Variants in ATG2A observed in about 807,000 individuals in gnomAD.
The protein encoded by ATG2A is autophagy-related protein 2 homolog A.
In ATG2A, 103 loss-of-function variants were observed where a neutral mutation model predicts 214.2. The observed-to-expected ratio is 0.48, with a 90% CI of 0.41 to 0.57. ATG2A has a LOEUF of 0.57. Among genes scored for constraint, ATG2A ranks in the 20% least tolerant of loss-of-function variants. The pLI, the probability that ATG2A is intolerant of heterozygous loss-of-function variation, is 0.00. For missense variants in ATG2A, 2,312 were observed against 2,613.2 expected (o/e 0.88, Z 2.51); for synonymous variants, 1,160 against 1,142.1 (o/e 1.02, Z -0.32).
In ATG2A at chr11:64,906,675, G is replaced by A. The variant is rs1301401693; in HGVS notation, c.2973C>T (p.Leu991=). 1.9e-6 allele frequency: 3 copies of A among 1,613,638 alleles called. No homozygotes were observed. Among genetic ancestry groups the A allele is most frequent in the Admixed American group, 1.7e-5 (1 of 60,034 alleles). Residue 991 remains leucine, a synonymous_variant, in exon 20 of 41, where the codon CTC becomes CTT. Coordinates refer to ENST00000377264, the MANE Select transcript of ATG2A (RefSeq NM_015104.3). The part of the protein sequence containing the change: ...YFCLEAEKAT[L]YHRAAVDDYP... ...CCCCAGGCCTCACACCTCGGTGGTA[G>A]AGTGTTGCCTTTTCAGCTTCCAGAC...
At chr11:64,900,380 C>T in intron 31 of ATG2A, 114 bp downstream of exon 31, 1 of 1,521,310 alleles carries the variant, frequency 6.6e-7, no homozygotes, top group Non-Finnish European at 8.9e-7. Flanking sequence ...TGGCTTCCTC[C>T]ACTACAAAGG....
At position 64,911,284 on chromosome 11, in the gene ATG2A, A is replaced by T. The variant is rs760707209; in HGVS notation, c.1229-9T>A. 16 of 1,612,402 alleles carry T rather than the reference A, an allele frequency of 9.9e-6. No individual in the cohort carries two copies. Among genetic ancestry groups the T allele is most frequent in the Middle Eastern group, 1.6e-4 (1 of 6,084 alleles). ...GTTGGGGGCCATCTTGCCTGAGGGG[A>T]CAGAGGCTTCAGCAGGGGCTCCCAA... On this transcript the variant is annotated splice_polypyrimidine_tract_variant and intron_variant, in intron 9 of 40. Coordinates refer to ENST00000377264, the MANE Select transcript of ATG2A (RefSeq NM_015104.3).
chr11:64,908,032 C>T (rs986081166), intron 16 of ATG2A, 142 bp from the exon 17 acceptor site: 81 of 1,010,434 alleles, frequency 8.0e-5, no homozygotes, highest in Non-Finnish European at 1.1e-4. Context: ...TGCATGATAG[C>T]CGTACAGATA....
At chr11:64,896,029 G>T (rs1944136961) in intron 39 of ATG2A, among the ~76,000 whole-genome samples, 2 of 152,180 alleles carry the variant, frequency 1.3e-5, no homozygotes, top group Non-Finnish European at 2.9e-5. Flanking sequence ...TAGGACCATC[G>T]ATCCCCTACA....
chr11:64,909,984 C>CGAA (rs1485349774), intron 13 of ATG2A, 56 bp downstream of exon 13: 9 of 1,566,350 alleles, frequency 5.7e-6, no homozygotes, highest in Non-Finnish European at 6.9e-6. Flanking sequence ...GACCAAGAGC[C>CGAA]GAAGGACCCA....
rs1159271619 is a variant in ATG2A at position 64,903,441 on chromosome 11, G to A, written c.3536-77C>T. On this transcript the variant is annotated intron_variant, in intron 25 of 40. Transcript: ENST00000377264. This position sits in a 1 kb window ranked among gnomAD's most constrained non-coding sequence, Gnocchi z 4.2. ...GCCCCAGCACCTGGGGGAAGGATCC[G>A]GTTGATCCAGGTGTAGTCCCTGCTG... 6.4e-6 allele frequency: 10 copies of A among 1,557,014 alleles called. No individual in the cohort carries two copies. Among genetic ancestry groups the A allele is most frequent in the South Asian group, 3.4e-5 (3 of 88,060 alleles).
At chr11:64,904,844 C>CTATCTATT (rs1565751740) in intron 24 of ATG2A, among the ~76,000 whole-genome samples, 1 of 151,168 alleles carries the variant, frequency 6.6e-6, no homozygotes, top group Non-Finnish European at 1.5e-5. Context: ...ATCTATCTAT[C>CTATCTATT]TATCTATCTA....
At position 64,905,657 on chromosome 11, in the gene ATG2A, T is replaced by TG. The variant is rs1344858577; in HGVS notation, c.3372-3dup. The TG allele has an allele frequency of 2.5e-6, 4 of 1,613,852 alleles. No homozygotes were observed. The South Asian group carries it at 4.4e-5, about 18-fold the overall frequency. ...ACACGCACTGGGAGGTAGAGTGGCC[T>TG]GGGGGTGATACTCGGGCTGGGGCCG... is the stretch of plus-strand genomic sequence containing the variant. On this transcript the variant is annotated splice_region_variant and splice_polypyrimidine_tract_variant and intron_variant, in intron 23 of 40. Coordinates refer to ENST00000377264, the MANE Select transcript of ATG2A (RefSeq NM_015104.3).
At position 64,910,061 on chromosome 11, in the gene ATG2A, A is replaced by G; in HGVS notation, c.1842T>C (p.Ala614=). 3 of 1,597,248 alleles carry G rather than the reference A, an allele frequency of 1.9e-6. No individual in the cohort carries two copies. The highest frequency in any genetic ancestry group is 2.6e-6 in the Non-Finnish European group (3 of 1,173,428). Residue 614 remains alanine (A), a synonymous_variant, in exon 13 of 41, where the codon GCT becomes GCC. Coordinates refer to ENST00000377264, the MANE Select transcript of ATG2A (RefSeq NM_015104.3). The part of the protein sequence containing the change: ...AALLRLATVP[A]EPPAGLLTEP... ...TCACCAGCAGGCCGGCTGGAGGCTC[A>G]GCAGGTACGGTGGCCAGGCGCAGTA... is the stretch of plus-strand genomic sequence containing the variant.
Position 64,912,230 on chromosome 11 carries a change from G to A in ATG2A, c.942C>T (p.Asp314=). ...VSLTDHEGLA[D]KLNKSRPLGA... ...CTAGCGGGCGGCTCTTGTTCAGCTT[G>A]TCAGCCAGGCCCTCGTGGTCTGCAG... The change falls in exon 8 of 41, where the codon GAC becomes GAT. Residue 314 remains aspartate, a synonymous_variant. Coordinates refer to ENST00000377264, the MANE Select transcript of ATG2A (RefSeq NM_015104.3). The A allele has an allele frequency of 1.2e-6, 2 of 1,613,342 alleles. No homozygotes were observed. The highest frequency in any genetic ancestry group is 2.2e-5 in the South Asian group (2 of 91,068).
chr11:64,909,251 A>G lies in ATG2A; in HGVS notation c.2204+20T>C. The G allele has an allele frequency of 6.2e-7, 1 of 1,612,966 alleles. No homozygotes were observed. ...AGCAGAACCCTCCTCTCCTGGGCCCAGTCCAGAGCCCCTACTTACTGGGGC... is the reference window on the plus strand; with the variant it reads ...AGCAGAACCCTCCTCTCCTGGGCCCGGTCCAGAGCCCCTACTTACTGGGGC... On this transcript the variant is annotated intron_variant, in intron 15 of 40. Transcript: ENST00000377264.
chr11:64,904,816 T>TTATC (rs1555184661), intron 24 of ATG2A, among the ~76,000 whole-genome samples: 91 of 145,266 alleles, frequency 6.3e-4, no homozygotes, highest in African/African-American at 2.2e-3. Flanking sequence ...TCTATATTTT[T>TTATC]TATCTATCTA....
Position 64,917,036 on chromosome 11 carries a change from T to C in ATG2A, c.100A>G (p.Ser34Gly). The C allele has an allele frequency of 6.2e-7, 1 of 1,613,852 alleles. No individual in the cohort carries two copies. The change falls in exon 1 of 41, where the codon AGC becomes GGC. Residue 34 changes from serine (S) to glycine (G), a missense_variant. By Grantham distance (56) the Ser-to-Gly change is moderately conservative (BLOSUM62 0). Coordinates refer to ENST00000377264, the MANE Select transcript of ATG2A (RefSeq NM_015104.3). ...YLGHFFQEHL[S>G]LDQLSLDLYK... The stretch of plus-strand genomic sequence containing the variant: ...AGATCGAGGCTGAGCTGGTCCAGGC[T>C]GAGGTGCTCTTGGAAGAAGTGACCT...
At position 64,898,094 on chromosome 11, in the gene ATG2A, G is replaced by A; in HGVS notation, c.4850C>T (p.Ser1617Phe). 6.2e-7 allele frequency: 1 copy of A among 1,613,986 alleles called. No individual in the cohort carries two copies. Among genetic ancestry groups the A allele is most frequent in the Non-Finnish European group, 8.5e-7 (1 of 1,179,970 alleles). Residue 1617 changes from serine (S) to phenylalanine (F), a missense_variant, in exon 34 of 41, where the codon TCC (serine) becomes TTC (phenylalanine). Coordinates refer to ENST00000377264, the MANE Select transcript of ATG2A (RefSeq NM_015104.3). The surrounding 1 kb of genome is among the most constrained non-coding windows in gnomAD (Gnocchi z 4.5). ...CTGGCCCAGCCTCTCACCCTCAGCG[G>A]AGGTCTCCCCTGGGACCACGGGGTT... ...GINPVVPGET[S>F]AEARPETRAQ...
rs765896301 is a variant in ATG2A, at chr11:64,917,001, G to T, written c.135C>A (p.Gly45=). Residue 45 remains glycine (G), a synonymous_variant, in exon 1 of 41, where the codon GGC becomes GGA. Coordinates refer to ENST00000377264, the MANE Select transcript of ATG2A (RefSeq NM_015104.3). ...LDQLSLDLYK[G]SVALRDIHLE... ...GGTGGATGTCTCGCAGGGCAACGCT[G>T]CCCTTGTACAGATCGAGGCTGAGCT... 6.2e-7 allele frequency: 1 copy of T among 1,613,786 alleles called. No individual in the cohort carries two copies. Among genetic ancestry groups the T allele is most frequent in the Non-Finnish European group, 8.5e-7 (1 of 1,180,012 alleles).
At chr11:64,914,647 ATGCTGTCCCC>A (rs1944910473) in intron 1 of ATG2A, 147 bp from the exon 2 acceptor site, 5 of 1,095,624 alleles carry the variant, frequency 4.6e-6, no homozygotes, top group South Asian at 3.1e-5. Context: ...ACCTATGCTC[ATGCTGTCCCC>A]TACTACAGGC....
Position 64,910,776 on chromosome 11 carries a change from C to T in ATG2A, c.1614+31G>A, listed in dbSNP as rs141209009. ...CACAGCCACCCAAACCTCCAGACCC[C>T]GCCTCGTACACATTCTGCCTCTGCC... is the stretch of plus-strand genomic sequence containing the variant. On this transcript the variant is annotated intron_variant, in intron 11 of 40. Transcript: ENST00000377264. 1.9e-3 allele frequency: 2,995 copies of T among 1,610,286 alleles called. 5 individuals are homozygous for T. Among genetic ancestry groups the T allele is most frequent in the African/African-American group, 3.1e-3 (235 of 74,938 alleles).
Position 64,914,466 on chromosome 11 carries a change from G to T in ATG2A, c.206C>A (p.Pro69Gln), listed in dbSNP as rs149469145. The change falls in exon 2 of 41, where the codon CCG becomes CAG. Residue 69 changes from proline to glutamine, a missense_variant. By Grantham distance (76) the Pro-to-Gln change is moderately conservative (BLOSUM62 -1). Transcript: ENST00000377264. ...CACGAAGCCTTCCACCAGCTCCAGC[G>T]GTGACTCCATTGACTCCAGCACCTC... is the stretch of plus-strand genomic sequence containing the variant. ...VNEVLESMES[P>Q]LELVEGFVGS... is the part of the protein sequence containing the mutation. The T allele has an allele frequency of 6.2e-7, 1 of 1,612,842 alleles. No homozygotes were observed.
At chr11:64,916,835 G>C in intron 1 of ATG2A, 130 bp downstream of exon 1, 1 of 1,329,912 alleles carries the variant, frequency 7.5e-7, no homozygotes, top group Non-Finnish European at 1.0e-6. Context: ...CTGACGCCTG[G>C]AGAGGGCAAG....
Sources: gnomAD v4.1 joint callset for allele counts (sites outside exome capture counted in the v4.1 genomes callset) on GRCh38, gnomAD v4.1.1 for gene constraint, Gnocchi (gnomAD v3.1) non-coding constraint, MANE v1.5 for transcripts, NCBI Gene and HGNC (gene_info 2026-07-23, HGNC 2026-07-21) for gene names.